HACE1: variants seen among roughly 807,000 people sequenced by gnomAD.
HACE1 encodes E3 ubiquitin-protein ligase HACE1.
Under a neutral mutation model 118.4 loss-of-function variants are expected in HACE1, and 73 were observed. That is an observed-to-expected ratio of 0.62 (90% CI 0.51 to 0.75). The LOEUF (loss-of-function observed/expected upper bound fraction) is 0.75, where lower values mean the gene tolerates loss of function less well. HACE1 is among the 30% of genes least tolerant of loss of function. The pLI is 0.00. For synonymous variants in HACE1, 368 were observed against 374.8 expected (o/e 0.98, Z 0.21); for missense variants, 749 against 1,102.2 (o/e 0.68, Z 4.54).
chr6:104,771,024 T>C (rs575404794), intron 19 of HACE1, among the ~76,000 whole-genome samples, 169 bp downstream of exon 19: 2 of 152,348 alleles, frequency 1.3e-5, no homozygotes, highest in Admixed American at 1.3e-4. Flanking sequence ...AATAATCCTT[T>C]CTAATTCAAA....
intron 7 of HACE1, among the ~76,000 whole-genome samples, chr6:104,799,424 C>A (rs1770049821): frequency 6.6e-6 from 1 of 152,230 alleles, no homozygotes; most frequent in South Asian, 2.1e-4. Context: ...AAGCTCATTA[C>A]TTACAAATTG....
intron 6 of HACE1, among the ~76,000 whole-genome samples, chr6:104,820,228 C>T (rs186973275): frequency 6.7e-5 from 10 of 148,342 alleles, no homozygotes; most frequent in African/African-American, 2.2e-4. Context: ...AAACCCAAAA[C>T]CATAAAACCC....
chr6:104,833,439 G>A (rs1478839673), intron 5 of HACE1, among the ~76,000 whole-genome samples: 1 of 151,972 alleles, frequency 6.6e-6, no homozygotes, highest in Non-Finnish European at 1.5e-5. Flanking sequence ...TCAAACTCCT[G>A]GGCTCAAGTG....
chr6:104,801,809 G>T (rs1301350157), intron 7 of HACE1, among the ~76,000 whole-genome samples: 1 of 152,078 alleles, frequency 6.6e-6, no homozygotes, highest in Non-Finnish European at 1.5e-5. Flanking sequence ...CAATTAACGG[G>T]CAAGATAACC....
At chr6:104,843,627 A>G (rs1331087991) in intron 4 of HACE1, among the ~76,000 whole-genome samples, 1 of 152,206 alleles carries the variant, frequency 6.6e-6, no homozygotes, top group Non-Finnish European at 1.5e-5. Context: ...ATAACAAAAT[A>G]CAAGTCTAAT....
intron 5 of HACE1, 50 bp downstream of exon 5, chr6:104,843,173 A>T: frequency 1.0e-6 from 1 of 972,246 alleles, no homozygotes; most frequent in Non-Finnish European, 1.7e-6. Flanking sequence ...ATTCAATATC[A>T]TTTTCTAAAA....
intron 22 of HACE1, chr6:104,731,845 C>A (rs1775231905): frequency 2.7e-5 from 4 of 145,844 alleles, no homozygotes; most frequent in South Asian, 2.2e-4. Context: ...AATTGATATC[C>A]AGAACATACA....
intron 20 of HACE1, 29 bp downstream of exon 20, chr6:104,750,312 A>G: frequency 6.3e-7 from 1 of 1,594,094 alleles, no homozygotes; most frequent in Non-Finnish European, 8.6e-7. Context: ...TTGTTGTGTT[A>G]CAACATAAGA....
At chr6:104,842,521 T>C (rs1382633627) in intron 5 of HACE1, among the ~76,000 whole-genome samples, 1 of 152,110 alleles carries the variant, frequency 6.6e-6, no homozygotes, top group Admixed American at 6.6e-5. Context: ...ATTCCCTCTG[T>C]TACCTTTTTT....
At chr6:104,763,129 T>C (rs1342086657) in intron 19 of HACE1, among the ~76,000 whole-genome samples, 1 of 152,006 alleles carries the variant, frequency 6.6e-6, no homozygotes, top group Non-Finnish European at 1.5e-5. Flanking sequence ...GAATATACTA[T>C]CTAAAATGCA....
chr6:104,779,886 T>G (rs928620463), intron 14 of HACE1, among the ~76,000 whole-genome samples: 20 of 151,990 alleles, frequency 1.3e-4, no homozygotes, highest in African/African-American at 4.8e-4. Context: ...AATAATAAAT[T>G]AGCAATCATT....
chr6:104,806,903 A>G (rs989494755), intron 7 of HACE1, among the ~76,000 whole-genome samples: 1 of 152,170 alleles, frequency 6.6e-6, no homozygotes, highest in African/African-American at 2.4e-5. Context: ...AGAATTTGGC[A>G]TAAGTATAAA....
chr6:104,792,273 A>G (rs1783107888), intron 10 of HACE1, among the ~76,000 whole-genome samples: 1 of 152,182 alleles, frequency 6.6e-6, no homozygotes, highest in African/African-American at 2.4e-5. Context: ...ATATTTGCCT[A>G]CCATGAAAAA....
Position 104,777,315 on chromosome 6 carries a change from A to G in HACE1, c.1569T>C (p.Pro523=), listed in dbSNP as rs1781320227. 1.3e-6 allele frequency: 2 copies of G among 1,593,322 alleles called. No individual in the cohort carries two copies. The highest frequency in any genetic ancestry group is 1.7e-6 in the Non-Finnish European group (2 of 1,160,990). ...AGAACCATTCACAGCGATCTTTAAA[A>G]GGCTAGCTCAAAAAATAAGAGTAAA... is the stretch of plus-strand genomic sequence containing the variant. ...SRFMHIIKAQ[P]FKDRCEWFYE... is the part of the protein sequence containing the mutation. Residue 523 remains proline, a splice_region_variant and synonymous_variant, in exon 15 of 24, where the codon CCT becomes CCC. Coordinates refer to ENST00000262903, the MANE Select transcript of HACE1 (RefSeq NM_020771.4).
chr6:104,759,358 C>T (rs58048689), intron 19 of HACE1, among the ~76,000 whole-genome samples: 328 of 152,318 alleles, frequency 2.2e-3, no homozygotes, highest in African/African-American at 7.6e-3. Context: ...TCTCTCAGAG[C>T]ACAGTGCAAT....
At chr6:104,793,642 A>G (rs1783311231) in intron 10 of HACE1, among the ~76,000 whole-genome samples, 1 of 152,216 alleles carries the variant, frequency 6.6e-6, no homozygotes, top group Admixed American at 6.5e-5. Context: ...GAAAATTTCT[A>G]TTAAAACAAG....
chr6:104,855,038 C>G (rs889811600), intron 1 of HACE1, among the ~76,000 whole-genome samples: 7 of 152,100 alleles, frequency 4.6e-5, no homozygotes, highest in African/African-American at 1.4e-4. Flanking sequence ...TCACAACCAC[C>G]CTATGAAGTA....
chr6:104,856,710 C>G (rs969863551), intron 1 of HACE1, among the ~76,000 whole-genome samples: 2 of 152,186 alleles, frequency 1.3e-5, no homozygotes, highest in African/African-American at 4.8e-5. Context: ...GCTGGGATTA[C>G]AGGTGTGAGC....
At chr6:104,839,693 T>TAC (rs765399543) in intron 5 of HACE1, among the ~76,000 whole-genome samples, 1 of 151,958 alleles carries the variant, frequency 6.6e-6, no homozygotes, top group Non-Finnish European at 1.5e-5. Flanking sequence ...TACATAAACA[T>TAC]ACACACACAC....
Sources: allele counts gnomAD v4.1 joint callset (sites outside exome capture counted in the v4.1 genomes callset), GRCh38; gene constraint gnomAD v4.1.1; transcripts MANE v1.5; gene names NCBI Gene and HGNC (gene_info 2026-07-23, HGNC 2026-07-21).